The following ELAVL4 variants were observed in gnomAD, a reference collection of about 807,000 sequenced individuals.
ELAVL4 encodes ELAV like RNA binding protein 4, also known as ELAV-like protein 4.
Under a neutral mutation model 35.6 loss-of-function variants are expected in ELAVL4, and 1 was observed. The ratio of observed to expected loss-of-function variants is 0.03; its 90% CI spans 0.01 to 0.13. The LOEUF is 0.13. ELAVL4 is among the 10% of genes least tolerant of loss of function. ELAVL4 has a pLI of 1.00. For synonymous variants in ELAVL4, 156 were observed against 171.0 expected, an observed-to-expected ratio of 0.91 and a Z score of 0.69; for missense variants, 267 against 464.9, an observed-to-expected ratio of 0.57 and a Z score of 3.91.
upstream of ELAVL4, among the ~76,000 whole-genome samples, chr1:50,098,971 G>A (rs1438580377): frequency 2.0e-5 from 3 of 152,198 alleles, no homozygotes; most frequent in Non-Finnish European, 4.4e-5. Context: ...GCAGCCGTGG[G>A]CTGTTGATCT....
chr1:50,180,740 G>A (rs1680895080), intron 3 of ELAVL4: 1 of 152,178 alleles, frequency 6.6e-6, no homozygotes, highest in African/African-American at 2.4e-5. Context: ...GACACTAAGT[G>A]ACTTGTCCAA....
chr1:50,084,831 T>C (rs1472590176), intron 1 of ELAVL4, among the ~76,000 whole-genome samples: 4 of 152,190 alleles, frequency 2.6e-5, no homozygotes, highest in Admixed American at 2.0e-4. Flanking sequence ...TTCTTAGCAC[T>C]TGGTGGATTT....
rs1441480093 is a variant in ELAVL4 at position 50,144,940 on chromosome 1, T to C, written c.10-17T>C. 6 of 1,599,506 alleles carry C rather than the reference T, an allele frequency of 3.8e-6. No homozygotes were observed. The highest frequency in any genetic ancestry group is 4.3e-6 in the Non-Finnish European group (5 of 1,175,314). The stretch of plus-strand genomic sequence containing the variant: ...AGATTTCAAAAGGCTTTTTCAATTG[T>C]TTTTATTTTTATTTAGATAATTAGC... On this transcript the variant is annotated splice_polypyrimidine_tract_variant and intron_variant, in intron 1 of 6. Transcript: ENST00000371824.
chr1:50,094,615 A>G (rs930629048), intron 1 of ELAVL4, among the ~76,000 whole-genome samples: 2 of 152,130 alleles, frequency 1.3e-5, no homozygotes, highest in African/African-American at 4.8e-5. Flanking sequence ...CTATAAGTAA[A>G]GAATAATTAG....
chr1:50,120,469 G>A (rs1668841235), intron 1 of ELAVL4, among the ~76,000 whole-genome samples: 1 of 152,072 alleles, frequency 6.6e-6, no homozygotes, highest in Non-Finnish European at 1.5e-5. Context: ...TAAAAGCTAT[G>A]ATTTAGGAAG....
At position 50,201,318 on chromosome 1, in the gene ELAVL4, T is replaced by C. The variant is rs1557874769; in HGVS notation, c.*140T>C. 9.6e-7 allele frequency: 1 copy of C among 1,040,554 alleles called. No individual in the cohort carries two copies. The highest frequency in any genetic ancestry group is 3.5e-5 in the Admixed American group (1 of 28,840). The allele number at this position is 1,040,554 out of a possible 1,614,324, so 64.5% of individuals were successfully genotyped here. ...CAACCATGGACTTTATAAGCCAGTG[T>C]TGCCTAAGTATTAAAACATTGGATT... On this transcript the variant is annotated 3_prime_UTR_variant, in exon 7 of 7. Transcript: ENST00000371824. The surrounding 1 kb of genome is among the most constrained non-coding windows in gnomAD (Gnocchi z 4.3).
intron 2 of ELAVL4, among the ~76,000 whole-genome samples, chr1:50,158,694 TGTCATCTGAGAAGCCA>T (rs1282420395): frequency 6.6e-6 from 1 of 152,174 alleles, no homozygotes; most frequent in Non-Finnish European, 1.5e-5. Context: ...GACTCTGTGA[TGTCATCTGAGAAGCCA>T]AATCATAGAC....
chr1:50,120,712 T>G (rs1668884336), intron 1 of ELAVL4, among the ~76,000 whole-genome samples: 1 of 152,080 alleles, frequency 6.6e-6, no homozygotes, highest in African/African-American at 2.4e-5. Context: ...ATGATGCTCA[T>G]TGGTGAAGTC....
intron 1 of ELAVL4, among the ~76,000 whole-genome samples, chr1:50,139,719 C>T (rs1672495477): frequency 6.6e-6 from 1 of 151,776 alleles, no homozygotes; most frequent in Non-Finnish European, 1.5e-5. Flanking sequence ...AGAGGGGTGG[C>T]TTTTTAGTTT....
chr1:50,158,619 T>C (rs1311492124), intron 2 of ELAVL4, among the ~76,000 whole-genome samples: 1 of 152,194 alleles, frequency 6.6e-6, no homozygotes, highest in East Asian at 1.9e-4. Context: ...AAATGTGTCT[T>C]CAGATGTCTG....
At chr1:50,154,904 T>A (rs1350727033) in intron 2 of ELAVL4, among the ~76,000 whole-genome samples, 1 of 152,104 alleles carries the variant, frequency 6.6e-6, no homozygotes, top group Non-Finnish European at 1.5e-5. Context: ...GCCATCAATT[T>A]TTTTAAAAAA....
intron 1 of ELAVL4, among the ~76,000 whole-genome samples, chr1:50,094,742 C>CAATA (rs60522222): frequency 0.31 from 41,556 of 135,246 alleles, 6,926 homozygotes; most frequent in East Asian, 0.52. Flanking sequence ...CCTGTCTCTA[C>CAATA]AATAAATAAA....
intron 2 of ELAVL4, among the ~76,000 whole-genome samples, chr1:50,173,584 G>A (rs1185962219): frequency 1.3e-5 from 2 of 152,114 alleles, no homozygotes; most frequent in African/African-American, 4.8e-5. Context: ...GGGCACCAAG[G>A]GGCCAAATGC....
upstream of ELAVL4, among the ~76,000 whole-genome samples, chr1:50,105,233 GTT>G (rs1666208914): frequency 6.6e-6 from 1 of 152,056 alleles, no homozygotes; most frequent in Non-Finnish European, 1.5e-5. Context: ...ACACTTTTGA[GTT>G]TTCATCACTG....
At chr1:50,133,828 C>T (rs1671441839) in intron 1 of ELAVL4, among the ~76,000 whole-genome samples, 1 of 152,080 alleles carries the variant, frequency 6.6e-6, no homozygotes, top group South Asian at 2.1e-4. Context: ...TATAATTTAT[C>T]ACGGCCAGTT....
intron 1 of ELAVL4, chr1:50,115,376 A>C (rs1024471987): frequency 2.0e-5 from 3 of 151,922 alleles, no homozygotes; most frequent in African/African-American, 7.3e-5. Flanking sequence ...TGTTTTTGGA[A>C]AGTCTTATTT....
intron 1 of ELAVL4, among the ~76,000 whole-genome samples, chr1:50,073,008 T>C (rs1208254547): frequency 1.3e-5 from 2 of 152,176 alleles, no homozygotes; most frequent in African/African-American, 4.8e-5. Flanking sequence ...TTCACCTCAG[T>C]TAGTAGTTAT....
At position 50,124,346 on chromosome 1, in the gene ELAVL4, T is replaced by C. The variant is rs558532899; in HGVS notation, c.9+15148T>C. On this transcript the variant is annotated intron_variant, in intron 1 of 6. Coordinates refer to ENST00000371824, the MANE Select transcript of ELAVL4 (RefSeq NM_001144774.3). The stretch of plus-strand genomic sequence containing the variant: ...ACATCACAATAATAGTGACCCTTTA[T>C]GTAATGTGTGTGTCAGACTTTGCAG... Among the ~76,000 whole-genome samples the C allele has an allele frequency of 6.6e-5, 10 of 152,258 alleles. No homozygotes were observed. The South Asian group carries it at 2.1e-3, about 32-fold the overall frequency.
chr1:50,048,066 G>T, exon 1 of ELAVL4: 1 of 1,363,392 alleles, frequency 7.3e-7, no homozygotes, highest in South Asian at 1.6e-5. Context: ...GAGCGAGCTA[G>T]AGAGCGAGAG....
Sources: gnomAD v4.1 joint callset for allele counts (sites outside exome capture counted in the v4.1 genomes callset) on GRCh38, gnomAD v4.1.1 for gene constraint, Gnocchi (gnomAD v3.1) non-coding constraint, MANE v1.5 for transcripts, NCBI Gene and HGNC (gene_info 2026-07-23, HGNC 2026-07-21) for gene names.